The following CCDC38 variants were observed in gnomAD, a reference collection of about 807,000 sequenced individuals.
CCDC38 encodes coiled-coil domain containing 38.
Under a neutral mutation model 72.8 loss-of-function variants are expected in CCDC38, and 69 were observed. That is an observed-to-expected ratio of 0.95 (90% CI 0.78 to 1.16). The LOEUF is 1.16. Ranked by LOEUF, CCDC38 falls within the 50% of genes most tolerant of loss-of-function variation. CCDC38 has a pLI of 0.00. For synonymous variants in CCDC38, 201 were observed against 213.2 expected, an observed-to-expected ratio of 0.94 and a Z score of 0.50; for missense variants, 626 against 638.9, an observed-to-expected ratio of 0.98 and a Z score of 0.22.
intron 10 of CCDC38, among the ~76,000 whole-genome samples, chr12:95,882,177 G>C (rs2079707874): frequency 6.6e-6 from 1 of 152,186 alleles, no homozygotes; most frequent in Non-Finnish European, 1.5e-5. Context: ...AAAGAAGCAG[G>C]GATAGGGAGA....
chr12:95,912,237 C>G (rs1047447329), intron 4 of CCDC38, among the ~76,000 whole-genome samples: 6 of 152,130 alleles, frequency 3.9e-5, no homozygotes, highest in Non-Finnish European at 7.4e-5. Context: ...GGGAGAGGAG[C>G]AAGGGTTGAA....
At chr12:95,932,629 A>G (rs1383259420) in intron 2 of CCDC38, among the ~76,000 whole-genome samples, 2 of 152,316 alleles carry the variant, frequency 1.3e-5, no homozygotes, top group Non-Finnish European at 2.9e-5. Flanking sequence ...ATTAAAGTAG[A>G]TCTAAATTAA....
chr12:95,923,797 G>C (rs1380242460), intron 2 of CCDC38, among the ~76,000 whole-genome samples: 1 of 149,168 alleles, frequency 6.7e-6, no homozygotes, highest in African/African-American at 2.5e-5. Context: ...GTGGTGTTTG[G>C]TTTTTTGTTC....
chr12:95,918,745 T>C (rs936243656), intron 3 of CCDC38, 131 bp downstream of exon 3: 6 of 625,824 alleles, frequency 9.6e-6, no homozygotes, highest in Non-Finnish European at 1.4e-5. Context: ...TGTCTCCCCA[T>C]CATGGTGTGG....
intron 4 of CCDC38, among the ~76,000 whole-genome samples, chr12:95,906,770 CTTT>C (rs61239359): frequency 7.2e-6 from 1 of 138,804 alleles, no homozygotes; most frequent in African/African-American, 2.7e-5. Flanking sequence ...TGTCAAAATT[CTTT>C]TTTTTTTTTT....
chr12:95,931,284 A>G (rs923837870), intron 2 of CCDC38, among the ~76,000 whole-genome samples: 6 of 151,982 alleles, frequency 3.9e-5, no homozygotes, highest in Non-Finnish European at 7.4e-5. Flanking sequence ...CTCTACTTCC[A>G]TTGTCACATC....
chr12:95,920,612 A>G (rs964951317), intron 2 of CCDC38, among the ~76,000 whole-genome samples: 5 of 152,122 alleles, frequency 3.3e-5, no homozygotes, highest in Admixed American at 2.0e-4. Flanking sequence ...AGGACCACAC[A>G]TTATATGATT....
intron 2 of CCDC38, among the ~76,000 whole-genome samples, chr12:95,927,213 A>G (rs1347282191): frequency 1.3e-5 from 2 of 151,534 alleles, no homozygotes; most frequent in African/African-American, 2.4e-5. Flanking sequence ...TTGCTTTATG[A>G]ATCTGGGTGC....
At chr12:95,924,369 C>T (rs2080244988) in intron 2 of CCDC38, among the ~76,000 whole-genome samples, 1 of 146,760 alleles carries the variant, frequency 6.8e-6, no homozygotes, top group Non-Finnish European at 1.5e-5. Context: ...TCATGTCCTT[C>T]ACCCACTTTT....
At chr12:95,902,261 G>A (rs1407701181) in intron 5 of CCDC38, among the ~76,000 whole-genome samples, 1 of 152,064 alleles carries the variant, frequency 6.6e-6, no homozygotes, top group African/African-American at 2.4e-5. Flanking sequence ...TATACAATCT[G>A]TTAAGTTTTG....
At chr12:95,925,451 G>A (rs1237213819) in intron 2 of CCDC38, among the ~76,000 whole-genome samples, 1 of 152,154 alleles carries the variant, frequency 6.6e-6, no homozygotes, top group East Asian at 1.9e-4. Context: ...CTGAGACGAT[G>A]GGGTTTTCTA....
At chr12:95,891,060 T>C (rs2079821447) in intron 8 of CCDC38, 130 bp from the exon 9 acceptor site, 1 of 571,354 alleles carries the variant, frequency 1.8e-6, no homozygotes, top group African/African-American at 1.9e-5. Context: ...GAAATATAAG[T>C]TGGAGACATT....
At chr12:95,890,534 G>T (rs1303375448) in intron 9 of CCDC38, among the ~76,000 whole-genome samples, 1 of 152,266 alleles carries the variant, frequency 6.6e-6, no homozygotes, top group African/African-American at 2.4e-5. Flanking sequence ...GCAGAAGGCA[G>T]GTCCGCGCCA....
At chr12:95,896,980 A>G (rs1427026486) in intron 7 of CCDC38, among the ~76,000 whole-genome samples, 1 of 152,228 alleles carries the variant, frequency 6.6e-6, no homozygotes, top group Non-Finnish European at 1.5e-5. Context: ...GAAACTTCTA[A>G]TTGCATCGGG....
chr12:95,901,818 CT>C (rs1325145391), intron 5 of CCDC38, among the ~76,000 whole-genome samples: 1 of 151,908 alleles, frequency 6.6e-6, no homozygotes, highest in Non-Finnish European at 1.5e-5. Flanking sequence ...GGACAAAACC[CT>C]GATGGAAGTG....
chr12:95,927,261 T>G (rs1179313551), intron 2 of CCDC38, among the ~76,000 whole-genome samples: 6 of 152,064 alleles, frequency 3.9e-5, no homozygotes, highest in Non-Finnish European at 5.9e-5. Flanking sequence ...GATAGTTAGC[T>G]CTTCTTGTTG....
intron 2 of CCDC38, among the ~76,000 whole-genome samples, chr12:95,921,368 C>T (rs773952045): frequency 1.2e-4 from 19 of 152,102 alleles, no homozygotes; most frequent in African/African-American, 7.2e-5. Flanking sequence ...CTCTGAGACT[C>T]GGTAGTTTAC....
intron 10 of CCDC38, among the ~76,000 whole-genome samples, chr12:95,884,933 G>T (rs2079741166): frequency 6.6e-6 from 1 of 152,158 alleles, no homozygotes; most frequent in South Asian, 2.1e-4. Flanking sequence ...ACATATCTTT[G>T]TGGGGGACAT....
At chr12:95,891,707 T>C (rs2079829362) in intron 8 of CCDC38, among the ~76,000 whole-genome samples, 2 of 152,072 alleles carry the variant, frequency 1.3e-5, no homozygotes, top group South Asian at 2.1e-4. Context: ...TTTTTCCCAC[T>C]TGTTTTCCCT....
Sources: gnomAD v4.1 joint callset for allele counts (sites outside exome capture counted in the v4.1 genomes callset) on GRCh38, gnomAD v4.1.1 for gene constraint, MANE v1.5 for transcripts, NCBI Gene and HGNC (gene_info 2026-07-23, HGNC 2026-07-21) for gene names.